MYT1L: variants seen among roughly 807,000 people sequenced by gnomAD.
MYT1L encodes myelin transcription factor 1 like.
A neutral mutation model predicts 126.7 loss-of-function variants in MYT1L; 12 were observed. The observed-to-expected ratio is 0.09, with a 90% CI of 0.06 to 0.15. The LOEUF (loss-of-function observed/expected upper bound fraction) is 0.15, where lower values mean the gene tolerates loss of function less well. Ranked by LOEUF, MYT1L falls within the 10% of genes least tolerant of loss-of-function variation. MYT1L has a pLI of 1.00. For synonymous variants in MYT1L, 541 were observed against 604.2 expected (o/e 0.90, Z 1.53); for missense variants, 979 against 1,585.2 (o/e 0.62, Z 6.49).
At chr2:1,854,527 A>G (rs1013662787) in intron 18 of MYT1L, among the ~76,000 whole-genome samples, 3 of 152,208 alleles carry the variant, frequency 2.0e-5, no homozygotes, top group Admixed American at 2.0e-4. Flanking sequence ...CTTAATTTTA[A>G]AATCAAATTA....
intron 1 of MYT1L, among the ~76,000 whole-genome samples, chr2:2,301,506 T>A (rs2095785208): frequency 6.6e-6 from 1 of 152,142 alleles, no homozygotes; most frequent in Admixed American, 6.5e-5. Context: ...TTGGTCAATA[T>A]AGCCATTCTA....
intron 2 of MYT1L, among the ~76,000 whole-genome samples, chr2:2,241,728 G>C (rs2094444291): frequency 6.6e-6 from 1 of 152,240 alleles, no homozygotes; most frequent in Non-Finnish European, 1.5e-5. Context: ...TCCACTGACA[G>C]ATGTACAGTG....
At chr2:2,285,773 T>C (rs1169788785) in intron 1 of MYT1L, among the ~76,000 whole-genome samples, 2 of 152,176 alleles carry the variant, frequency 1.3e-5, no homozygotes, top group African/African-American at 4.8e-5. Flanking sequence ...TCAGTATCTC[T>C]CTTAATCCTC....
At chr2:1,817,691 C>T (rs1233851400) in intron 21 of MYT1L, among the ~76,000 whole-genome samples, 2 of 152,290 alleles carry the variant, frequency 1.3e-5, no homozygotes, top group African/African-American at 2.4e-5. Context: ...GGTGACAGTG[C>T]CATCTAGCGG....
chr2:2,314,271 C>T (rs190059591), intron 1 of MYT1L, among the ~76,000 whole-genome samples: 1,588 of 152,232 alleles, frequency 0.01, 9 homozygotes, highest in South Asian at 0.027. Context: ...ATGTATAACT[C>T]CCCCCATGTC....
At chr2:2,315,930 T>C (rs1030558502) in intron 1 of MYT1L, among the ~76,000 whole-genome samples, 1 of 152,246 alleles carries the variant, frequency 6.6e-6, no homozygotes, top group African/African-American at 2.4e-5. Context: ...TTATTACACC[T>C]CTCCATTTAT....
chr2:2,222,126 T>C (rs2093891045), intron 2 of MYT1L, among the ~76,000 whole-genome samples: 1 of 152,210 alleles, frequency 6.6e-6, no homozygotes, highest in African/African-American at 2.4e-5. Flanking sequence ...CTATTGGATG[T>C]TAGAGCTCTG....
chr2:2,046,651 A>C (rs2068223821), intron 4 of MYT1L, among the ~76,000 whole-genome samples: 1 of 152,156 alleles, frequency 6.6e-6, no homozygotes, highest in African/African-American at 2.4e-5. Context: ...GTGAAGCCAC[A>C]CTTGGTTCTT....
intron 1 of MYT1L, among the ~76,000 whole-genome samples, chr2:2,313,786 T>C (rs893998746): frequency 6.6e-6 from 1 of 152,192 alleles, no homozygotes; most frequent in Non-Finnish European, 1.5e-5. Context: ...GATCTTAGTC[T>C]AGAAGCATGA....
intron 2 of MYT1L, among the ~76,000 whole-genome samples, chr2:2,222,722 C>T (rs2093912467): frequency 6.6e-6 from 1 of 151,956 alleles, no homozygotes; most frequent in African/African-American, 2.4e-5. Flanking sequence ...TATTCTCTTG[C>T]CTTCTTGAGG....
chr2:2,078,113 A>T (rs2075412409), intron 3 of MYT1L, among the ~76,000 whole-genome samples: 1 of 152,210 alleles, frequency 6.6e-6, no homozygotes, highest in African/African-American at 2.4e-5. Flanking sequence ...AGTTAGTATT[A>T]GTCTGAACTA....
intron 2 of MYT1L, among the ~76,000 whole-genome samples, chr2:2,220,752 GAT>G (rs140311489): frequency 8.6e-5 from 13 of 150,410 alleles, no homozygotes; most frequent in Admixed American, 3.3e-4. Context: ...AGCAAGTCAC[GAT>G]ATATATATAT....
intron 1 of MYT1L, among the ~76,000 whole-genome samples, chr2:2,314,387 A>G (rs2096028447): frequency 6.6e-6 from 1 of 152,176 alleles, no homozygotes; most frequent in Admixed American, 6.5e-5. Flanking sequence ...ACATCTATTT[A>G]CCACACATAC....
chr2:2,078,852 T>A (rs1452196791), intron 3 of MYT1L, among the ~76,000 whole-genome samples: 3 of 152,230 alleles, frequency 2.0e-5, no homozygotes, highest in Non-Finnish European at 4.4e-5. Context: ...TGCATATGAA[T>A]TCTATGATTT....
chr2:1,934,644 G>A (rs1193570587), intron 9 of MYT1L, among the ~76,000 whole-genome samples: 1 of 151,366 alleles, frequency 6.6e-6, no homozygotes, highest in African/African-American at 2.4e-5. Flanking sequence ...ACATTCGAAC[G>A]AATTACACCA....
At chr2:2,154,601 C>G (rs533436500) in intron 3 of MYT1L, among the ~76,000 whole-genome samples, 5 of 152,296 alleles carry the variant, frequency 3.3e-5, no homozygotes, top group Non-Finnish European at 5.9e-5. Context: ...ACCGCATGTT[C>G]TCACTTATAA....
At chr2:1,930,552 G>A (rs908954235) in intron 9 of MYT1L, among the ~76,000 whole-genome samples, 18 of 152,172 alleles carry the variant, frequency 1.2e-4, no homozygotes, top group Non-Finnish European at 1.6e-4. Context: ...TGGCACACAC[G>A]CCTTGCCCAG....
chr2:1,958,409 A>G (rs2149369036), intron 8 of MYT1L, among the ~76,000 whole-genome samples: 1 of 152,302 alleles, frequency 6.6e-6, no homozygotes, highest in South Asian at 2.1e-4. Context: ...GAACCCAGGG[A>G]GCGGGAGGAC....
intron 5 of MYT1L, among the ~76,000 whole-genome samples, chr2:1,985,783 C>T (rs911464066): frequency 6.6e-6 from 1 of 152,152 alleles, no homozygotes; most frequent in Non-Finnish European, 1.5e-5. Context: ...TAATAGGCCC[C>T]CTAGAGGGGA....
Sources: gnomAD v4.1 joint callset for allele counts (sites outside exome capture counted in the v4.1 genomes callset) on GRCh38, gnomAD v4.1.1 for gene constraint, MANE v1.5 for transcripts, NCBI Gene and HGNC (gene_info 2026-07-23, HGNC 2026-07-21) for gene names.